The following PCDH15 variants were observed in gnomAD, a reference collection of about 807,000 sequenced individuals.
The protein encoded by PCDH15 is protocadherin-15.
PCDH15 carries 129 observed loss-of-function variants against 178.5 expected under a neutral mutation model. That is an observed-to-expected ratio of 0.72 (90% CI 0.63 to 0.84). The LOEUF (loss-of-function observed/expected upper bound fraction) is 0.84, where lower values mean the gene tolerates loss of function less well. Ranked by LOEUF, PCDH15 falls within the 40% of genes least tolerant of loss-of-function variation. The pLI is 0.00. For synonymous variants in PCDH15, 800 were observed against 732.0 expected, an observed-to-expected ratio of 1.09 and a Z score of -1.50; for missense variants, 2,230 against 2,099.9, an observed-to-expected ratio of 1.06 and a Z score of -1.21.
chr10:55,381,933 GA>G (rs1837543085), intron 2 of PCDH15, among the ~76,000 whole-genome samples: 1 of 152,138 alleles, frequency 6.6e-6, no homozygotes, highest in South Asian at 2.1e-4. Context: ...AGTTGTCTGA[GA>G]AAGAAGTCAG....
intron 1 of PCDH15, among the ~76,000 whole-genome samples, chr10:55,307,489 C>T (rs1253113771): frequency 6.7e-6 from 1 of 150,192 alleles, no homozygotes; most frequent in Non-Finnish European, 1.5e-5. Flanking sequence ...GGCAACAGAG[C>T]AGAGCGAGAC....
chr10:54,897,783 A>C (rs1954569840), intron 2 of PCDH15, among the ~76,000 whole-genome samples: 1 of 152,178 alleles, frequency 6.6e-6, no homozygotes, highest in South Asian at 2.1e-4. Context: ...TCATTTTGGA[A>C]ACTAATTTTT....
At chr10:55,028,562 C>G (rs1199475746) in intron 2 of PCDH15, among the ~76,000 whole-genome samples, 1 of 151,828 alleles carries the variant, frequency 6.6e-6, no homozygotes, top group Non-Finnish European at 1.5e-5. Flanking sequence ...ATATTAAAAG[C>G]AAAAATATGG....
intron 3 of PCDH15, among the ~76,000 whole-genome samples, chr10:54,442,657 TTTGA>T (rs1236382564): frequency 1.2e-4 from 18 of 150,688 alleles, no homozygotes; most frequent in East Asian, 1.2e-3. Flanking sequence ...TATTTATTTA[TTTGA>T]TTAACTGAAA....
chr10:55,127,466 T>G lies in PCDH15; in HGVS notation c.-80+39110A>C, dbSNP rs549731810. ...CTATCATATCCACATATCTATAGAA[T>G]GGACTCATAATCTTCGACTGACCAA... On this transcript the variant is annotated intron_variant, in intron 2 of 5. Transcript: ENST00000458638. 3.9e-5 allele frequency among the ~76,000 whole-genome samples: 6 copies of G among 152,186 alleles called. No individual in the cohort carries two copies. In the East Asian group the frequency reaches 1.2e-3, roughly 29 times the overall value.
At chr10:54,420,365 G>A (rs1185755816) in intron 3 of PCDH15, among the ~76,000 whole-genome samples, 1 of 151,948 alleles carries the variant, frequency 6.6e-6, no homozygotes, top group Non-Finnish European at 1.5e-5. Flanking sequence ...GAATATTTGG[G>A]AAAAAGATGT....
chr10:54,899,024 G>T (rs1398001742), intron 2 of PCDH15, among the ~76,000 whole-genome samples: 1 of 152,066 alleles, frequency 6.6e-6, no homozygotes. Context: ...AAGTCATGCA[G>T]CACATTCATA....
intron 2 of PCDH15, among the ~76,000 whole-genome samples, chr10:54,908,051 G>T (rs2131831559): frequency 6.6e-6 from 1 of 152,230 alleles, no homozygotes; most frequent in Admixed American, 6.5e-5. Context: ...GGATCCTCAG[G>T]GTGTCACTTC....
At chr10:54,718,860 C>A (rs1226810262) in intron 1 of PCDH15, among the ~76,000 whole-genome samples, 1 of 151,568 alleles carries the variant, frequency 6.6e-6, no homozygotes, top group African/African-American at 2.4e-5. Flanking sequence ...CCATGTCCAG[C>A]TAATTTTTGT....
chr10:53,996,348 T>C (rs1320712016), intron 20 of PCDH15, among the ~76,000 whole-genome samples: 2 of 152,154 alleles, frequency 1.3e-5, no homozygotes, highest in Admixed American at 6.5e-5. Context: ...ACAATGTTAA[T>C]TTACTGAATT....
At chr10:55,544,135 CATACATATATATATATATATATATATAT>C (rs1841824366) in intron 2 of PCDH15, among the ~76,000 whole-genome samples, 1 of 96,206 alleles carries the variant, frequency 1.0e-5, no homozygotes, top group South Asian at 3.3e-4. Context: ...AAATCTTATA[CATACATATATATATATATATATATATAT>C]ATATATATAT....
chr10:55,062,521 C>T (rs777987824), intron 2 of PCDH15, among the ~76,000 whole-genome samples: 11 of 152,240 alleles, frequency 7.2e-5, no homozygotes, highest in Middle Eastern at 3.4e-3. Flanking sequence ...ACCTATATGA[C>T]ATGCTGGGAA....
chr10:54,717,240 A>G (rs2132443186), intron 1 of PCDH15, among the ~76,000 whole-genome samples: 1 of 124,014 alleles, frequency 8.1e-6, no homozygotes, highest in African/African-American at 3.2e-5. Flanking sequence ...CAATGGCAAC[A>G]AAAGACAAAA....
intron 10 of PCDH15, among the ~76,000 whole-genome samples, chr10:54,207,916 G>C (rs1363687404): frequency 6.6e-6 from 1 of 151,910 alleles, no homozygotes; most frequent in Non-Finnish European, 1.5e-5. Flanking sequence ...TCATTAATTA[G>C]AAGCATTAGT....
At chr10:55,073,255 T>C (rs1841798467) in intron 2 of PCDH15, among the ~76,000 whole-genome samples, 2 of 152,052 alleles carry the variant, frequency 1.3e-5, no homozygotes, top group South Asian at 4.2e-4. Context: ...CTAGGGCAAT[T>C]AGGCAGGAGA....
chr10:53,879,476 AG>A (rs2080530661), intron 26 of PCDH15, among the ~76,000 whole-genome samples: 1 of 152,166 alleles, frequency 6.6e-6, no homozygotes, highest in African/African-American at 2.4e-5. Flanking sequence ...ATAATATAGA[AG>A]TTTGGAAGTT....
intron 29 of PCDH15, among the ~76,000 whole-genome samples, chr10:53,837,774 C>T (rs1422326961): frequency 1.3e-5 from 2 of 151,726 alleles, no homozygotes; most frequent in African/African-American, 4.8e-5. Context: ...CACACATACA[C>T]ACATATACAC....
At chr10:53,975,385 T>G (rs992401221) in intron 21 of PCDH15, among the ~76,000 whole-genome samples, 4 of 152,216 alleles carry the variant, frequency 2.6e-5, no homozygotes, top group Non-Finnish European at 5.9e-5. Flanking sequence ...GCTGAATTAA[T>G]TTACATTCCC....
intron 14 of PCDH15, among the ~76,000 whole-genome samples, chr10:54,134,348 C>A: frequency 1.1e-5 from 1 of 88,218 alleles, no homozygotes; most frequent in South Asian, 5.1e-4. Flanking sequence ...GGCCTAGAAT[C>A]TCCTTAAAGT....
Sources: allele counts gnomAD v4.1 joint callset (sites outside exome capture counted in the v4.1 genomes callset), GRCh38; gene constraint gnomAD v4.1.1; transcripts MANE v1.5; gene names NCBI Gene and HGNC (gene_info 2026-07-23, HGNC 2026-07-21).